Variants in CSMD1 observed in about 807,000 individuals in gnomAD.
The protein encoded by CSMD1 is CUB and Sushi multiple domains 1.
In CSMD1, 213 loss-of-function variants were observed where a neutral mutation model predicts 417.5. That is an observed-to-expected ratio of 0.51 (90% CI 0.46 to 0.57). CSMD1 has a LOEUF of 0.57. Among genes scored for constraint, CSMD1 ranks in the 20% least tolerant of loss-of-function variants. The probability of loss-of-function intolerance (pLI) is 0.00; values close to 1 mark genes in which losing one functional copy is unlikely to be tolerated. For synonymous variants in CSMD1, 2,862 were observed against 1,736.8 expected (o/e 1.65, Z -16.11); for missense variants, 6,923 against 4,529.7 (o/e 1.53, Z -15.17).
intron 3 of CSMD1, among the ~76,000 whole-genome samples, chr8:4,270,306 T>A (rs1395346677): frequency 2.0e-5 from 3 of 152,166 alleles, no homozygotes; most frequent in Non-Finnish European, 4.4e-5. Flanking sequence ...CCAGTCTTTA[T>A]ACTGGTTTTA....
chr8:4,677,718 T>G (rs145182905), intron 1 of CSMD1, among the ~76,000 whole-genome samples: 1 of 152,120 alleles, frequency 6.6e-6, no homozygotes, highest in Non-Finnish European at 1.5e-5. Context: ...GAAAACCCAT[T>G]AGAGTTCTTG....
intron 3 of CSMD1, among the ~76,000 whole-genome samples, chr8:4,239,434 G>C (rs950382766): frequency 6.6e-6 from 1 of 152,078 alleles, no homozygotes; most frequent in African/African-American, 2.4e-5. Flanking sequence ...CTTTCTCCTG[G>C]AGGCTGGGTC....
At chr8:3,376,898 G>C (rs1810341963) in intron 18 of CSMD1, among the ~76,000 whole-genome samples, 1 of 152,088 alleles carries the variant, frequency 6.6e-6, no homozygotes, top group Non-Finnish European at 1.5e-5. Context: ...GATTGCTTAA[G>C]ATTTGAAGGG....
At chr8:3,573,163 G>T (rs978991366) in intron 10 of CSMD1, among the ~76,000 whole-genome samples, 1 of 152,038 alleles carries the variant, frequency 6.6e-6, no homozygotes, top group African/African-American at 2.4e-5. Flanking sequence ...AATAGATAAT[G>T]ATATTACATT....
chr8:3,093,858 T>A (rs1815116780), intron 47 of CSMD1, among the ~76,000 whole-genome samples: 1 of 152,154 alleles, frequency 6.6e-6, no homozygotes, highest in Non-Finnish European at 1.5e-5. Flanking sequence ...TAGATCTCAC[T>A]ATGAAAAATG....
At chr8:3,766,899 C>A (rs1163096146) in intron 5 of CSMD1, among the ~76,000 whole-genome samples, 2 of 152,120 alleles carry the variant, frequency 1.3e-5, no homozygotes, top group Non-Finnish European at 2.9e-5. Context: ...CTGACGCAGA[C>A]CTTGTTCAGT....
At chr8:4,922,261 C>A (rs548003508) in intron 1 of CSMD1, among the ~76,000 whole-genome samples, 26 of 152,198 alleles carry the variant, frequency 1.7e-4, no homozygotes, top group Middle Eastern at 3.4e-3. Flanking sequence ...GATACGTACA[C>A]TGAATGTGTT....
At chr8:4,149,408 G>A (rs989659445) in intron 3 of CSMD1, among the ~76,000 whole-genome samples, 1 of 152,104 alleles carries the variant, frequency 6.6e-6, no homozygotes, top group South Asian at 2.1e-4. Context: ...AACTGCCATA[G>A]CTCTGAGCAA....
intron 8 of CSMD1, among the ~76,000 whole-genome samples, chr8:3,611,293 G>A (rs11784215): frequency 0.055 from 8,368 of 151,906 alleles, 391 homozygotes; most frequent in East Asian, 0.23. Flanking sequence ...GAAAATGATT[G>A]TTTTAATAAA....
intron 26 of CSMD1, among the ~76,000 whole-genome samples, chr8:3,235,640 T>C (rs1799104509): frequency 6.6e-6 from 1 of 152,150 alleles, no homozygotes; most frequent in South Asian, 2.1e-4. Flanking sequence ...TCCTAGAAAA[T>C]CTCTTAAGAT....
intron 10 of CSMD1, among the ~76,000 whole-genome samples, chr8:3,568,883 A>C (rs1799829391): frequency 6.6e-6 from 1 of 152,106 alleles, no homozygotes; most frequent in Admixed American, 6.6e-5. Flanking sequence ...TTCATGATAC[A>C]TTTAAACTTT....
intron 29 of CSMD1, among the ~76,000 whole-genome samples, chr8:3,217,552 A>G (rs10095447): frequency 0.26 from 39,931 of 151,974 alleles, 6,545 homozygotes; most frequent in Admixed American, 0.39. Flanking sequence ...GTGGGGGGCT[A>G]TCATAGAATA....
chr8:3,493,540 A>C, intron 11 of CSMD1, 83 bp downstream of exon 11: 1 of 1,181,868 alleles, frequency 8.5e-7, no homozygotes, highest in East Asian at 2.6e-5. Context: ...GCCGAATTAC[A>C]AGCCTGTAGC....
chr8:3,153,896 T>C (rs1171587259), intron 39 of CSMD1, among the ~76,000 whole-genome samples: 2 of 152,204 alleles, frequency 1.3e-5, no homozygotes, highest in Non-Finnish European at 2.9e-5. Context: ...ATGTTGCTTA[T>C]CTAGAAAACT....
chr8:3,954,544 T>G (rs77661554), intron 5 of CSMD1, among the ~76,000 whole-genome samples: 2,479 of 152,274 alleles, frequency 0.016, 68 homozygotes, highest in African/African-American at 0.056. Context: ...TTTTTTTGTA[T>G]TTTTAGTAGA....
At chr8:3,041,202 A>AAAAAG (rs1811067766) in intron 50 of CSMD1, among the ~76,000 whole-genome samples, 1 of 152,226 alleles carries the variant, frequency 6.6e-6, no homozygotes, top group Admixed American at 6.5e-5. Context: ...ACAGGGTTAA[A>AAAAAG]GCAAATAATT....
chr8:3,006,932 T>G (rs1312860238), intron 52 of CSMD1, among the ~76,000 whole-genome samples: 1 of 141,084 alleles, frequency 7.1e-6, no homozygotes, highest in Non-Finnish European at 1.5e-5. Context: ...TGGGATCTAA[T>G]TAAACTAAAG....
chr8:4,490,909 T>C (rs6990944), intron 2 of CSMD1, among the ~76,000 whole-genome samples: 1,918 of 152,326 alleles, frequency 0.013, 32 homozygotes, highest in African/African-American at 0.044. Flanking sequence ...TCTAGGACTA[T>C]AACTTATCAC....
intron 5 of CSMD1, among the ~76,000 whole-genome samples, chr8:3,776,509 C>T (rs1036706653): frequency 1.3e-5 from 2 of 152,282 alleles, no homozygotes; most frequent in Non-Finnish European, 2.9e-5. Flanking sequence ...CTCTTAAACA[C>T]CCTGGGGCCT....
Sources: allele counts gnomAD v4.1 joint callset (sites outside exome capture counted in the v4.1 genomes callset), GRCh38; gene constraint gnomAD v4.1.1; transcripts MANE v1.5; gene names NCBI Gene and HGNC (gene_info 2026-07-23, HGNC 2026-07-21).